SNRPA: variants seen among roughly 807,000 people sequenced by gnomAD.
SNRPA encodes the protein small nuclear ribonucleoprotein polypeptide A.
In SNRPA, 10 loss-of-function variants were observed where a neutral mutation model predicts 24.5. That is an observed-to-expected ratio of 0.41 (90% CI 0.25 to 0.69). The LOEUF is 0.69. SNRPA is among the 30% of genes least tolerant of loss of function. The probability of loss-of-function intolerance (pLI) is 0.33; values close to 1 mark genes in which losing one functional copy is unlikely to be tolerated. For synonymous variants in SNRPA, 165 were observed against 148.4 expected, an observed-to-expected ratio of 1.11 and a Z score of -0.81; for missense variants, 283 against 394.7, an observed-to-expected ratio of 0.72 and a Z score of 2.40.
At chr19:40,764,625 G>A (rs1277717945) in intron 5 of SNRPA, among the ~76,000 whole-genome samples, 1 of 152,104 alleles carries the variant, frequency 6.6e-6, no homozygotes, top group Non-Finnish European at 1.5e-5. Context: ...TCAGGAGTTC[G>A]AGGCCAATGT....
chr19:40,754,266 C>G (rs1385760801), intron 1 of SNRPA, among the ~76,000 whole-genome samples: 1 of 152,008 alleles, frequency 6.6e-6, no homozygotes, highest in Non-Finnish European at 1.5e-5. Context: ...CCACGCTTGG[C>G]TAATTTTTGT....
chr19:40,759,528 G>T lies in SNRPA; in HGVS notation c.344G>T (p.Ser115Ile). Residue 115 changes from serine (S) to isoleucine (I), a missense_variant, in exon 3 of 6, where the codon AGC becomes ATC. Around this residue, in one of 6 missense-constraint regions of SNRPA, gnomAD observed 167 missense variants for 174.3 expected, o/e 0.96. Transcript: ENST00000243563. Reference sequence around the variant, plus strand: ...AAGCGGGAGAAGAGGAAGCCCAAGAGCCAGGAGACCCCGGCCACCAAGAAG... The same window carrying T: ...AAGCGGGAGAAGAGGAAGCCCAAGATCCAGGAGACCCCGGCCACCAAGAAG... ...DRKREKRKPK[S>I]QETPATKKAV... 1 of 1,614,054 alleles carries T rather than the reference G, an allele frequency of 6.2e-7. No homozygotes were observed. The highest frequency in any genetic ancestry group is 8.5e-7 in the Non-Finnish European group (1 of 1,179,998).
At chr19:40,764,265 G>T (rs1396294035) in intron 5 of SNRPA, among the ~76,000 whole-genome samples, 1 of 152,068 alleles carries the variant, frequency 6.6e-6, no homozygotes, top group African/African-American at 2.4e-5. Flanking sequence ...CTGGGAGAAG[G>T]GATGGCTACA....
At chr19:40,752,373 CAG>C (rs373999141) in intron 1 of SNRPA, among the ~76,000 whole-genome samples, 36 of 151,422 alleles carry the variant, frequency 2.4e-4, no homozygotes, top group African/African-American at 5.8e-4. Context: ...GAAACTGAGA[CAG>C]GGGTGATGTG....
chr19:40,760,639 G>C (rs2082927452), intron 3 of SNRPA, among the ~76,000 whole-genome samples: 1 of 152,156 alleles, frequency 6.6e-6, no homozygotes, highest in African/African-American at 2.4e-5. Flanking sequence ...GCATGACCAG[G>C]GGAAGCTCCA....
chr19:40,759,741 G>A lies in SNRPA; in HGVS notation c.426+131G>A, dbSNP rs372868958. The A allele has an allele frequency of 1.0e-5, 8 of 778,650 alleles. No homozygotes were observed. In the South Asian group the frequency reaches 1.1e-4, roughly 10 times the overall value. 48.2% of individuals were successfully genotyped at this position (778,650 alleles called of 1,614,324 possible). On this transcript the variant is annotated intron_variant, in intron 3 of 5. Coordinates refer to ENST00000243563, the MANE Select transcript of SNRPA (RefSeq NM_004596.5). ...CCCCTCCTTTCCATTTCTTTATAGAGATGTGTTTCTCTCTCTCTTTTGGGG... is the reference window on the plus strand; with the variant it reads ...CCCCTCCTTTCCATTTCTTTATAGAAATGTGTTTCTCTCTCTCTTTTGGGG...
Position 40,757,305 on chromosome 19 carries a change from C to T in SNRPA, c.74-27C>T, listed in dbSNP as rs767362222. ...TGCGCTTCTTCTAAAAAGGGGAGCT[C>T]AAAGGTCTTTTTTTCCCCCACTGCA... is the stretch of plus-strand genomic sequence containing the variant. On this transcript the variant is annotated intron_variant, in intron 1 of 5. Coordinates refer to ENST00000243563, the MANE Select transcript of SNRPA (RefSeq NM_004596.5). 5 of 1,612,524 alleles carry T rather than the reference C, an allele frequency of 3.1e-6. No homozygotes were observed. In the African/African-American group the frequency reaches 6.7e-5, roughly 22 times the overall value.
intron 1 of SNRPA, among the ~76,000 whole-genome samples, chr19:40,751,812 G>A (rs1268013159): frequency 1.3e-5 from 2 of 152,224 alleles, no homozygotes; most frequent in East Asian, 1.9e-4. Flanking sequence ...CTGAGCTGTC[G>A]TGGGGCTCTC....
intron 1 of SNRPA, among the ~76,000 whole-genome samples, chr19:40,752,440 C>A (rs1454824941): frequency 1.3e-5 from 2 of 150,988 alleles, no homozygotes; most frequent in Non-Finnish European, 3.0e-5. Flanking sequence ...GTATAGAATT[C>A]TGCTTAGGAA....
In SNRPA at chr19:40,761,762, C is replaced by T. The variant is rs531619798; in HGVS notation, c.427-1139C>T. The stretch of plus-strand genomic sequence containing the variant: ...GATTACAAGCGTGAGCCACTGCACC[C>T]GGCCCTCACACAATAAAGTTTCTAG... On this transcript the variant is annotated intron_variant, in intron 3 of 5. Transcript: ENST00000243563. Among the ~76,000 whole-genome samples, 233 of 152,066 alleles carry T rather than the reference C, an allele frequency of 1.5e-3. 1 individual carries two copies. Among genetic ancestry groups the T allele is most frequent in the African/African-American group, 5.4e-3 (223 of 41,482 alleles).
rs183167637 is a variant in SNRPA at position 40,763,582 on chromosome 19, C to T, written c.601-5C>T. On this transcript the variant is annotated splice_polypyrimidine_tract_variant and splice_region_variant and intron_variant, in intron 4 of 5. Coordinates refer to ENST00000243563, the MANE Select transcript of SNRPA (RefSeq NM_004596.5). ...GTGCTCACCGACTCCCCTATACCCC[C>T]GCAGCTTTCTGAGAATCCACCGAAT... 123 of 1,613,904 alleles carry T rather than the reference C, an allele frequency of 7.6e-5. No homozygotes were observed. Among genetic ancestry groups the T allele is most frequent in the Non-Finnish European group, 9.5e-5 (112 of 1,179,838 alleles).
Position 40,763,671 on chromosome 19 carries a change from A to C in SNRPA, c.685A>C (p.Asn229His). 3 of 1,613,476 alleles carry C rather than the reference A, an allele frequency of 1.9e-6. No homozygotes were observed. Among genetic ancestry groups the C allele is most frequent in the Non-Finnish European group, 2.5e-6 (3 of 1,179,548 alleles). Reference sequence around the variant, plus strand: ...CGAGCTCATGCTGTCCATGCTTTTCAATCAGTAAGTGGGGCCTGTGGCTGG... The same window carrying C: ...CGAGCTCATGCTGTCCATGCTTTTCCATCAGTAAGTGGGGCCTGTGGCTGG... Reference protein sequence around the residue: ...TNELMLSMLFNQFPGFKEVRL... With the variant: ...TNELMLSMLFHQFPGFKEVRL... The change falls in exon 5 of 6, where the codon AAT (asparagine) becomes CAT (histidine). Residue 229 changes from asparagine to histidine, a missense_variant. Transcript: ENST00000243563.
chr19:40,762,291 ACTCCAACCTT>A (rs2082936193), intron 3 of SNRPA, among the ~76,000 whole-genome samples: 1 of 148,788 alleles, frequency 6.7e-6, no homozygotes, highest in South Asian at 2.2e-4. Flanking sequence ...ATCTCGGCTC[ACTCCAACCTT>A]CTGTTGCCGG....
intron 5 of SNRPA, among the ~76,000 whole-genome samples, chr19:40,764,116 C>T (rs762235390): frequency 1.2e-4 from 18 of 151,996 alleles, no homozygotes; most frequent in Non-Finnish European, 2.1e-4. Flanking sequence ...GGGTGGAGGC[C>T]GGTGCAGCCG....
chr19:40,751,778 A>T (rs1367031312), intron 1 of SNRPA, among the ~76,000 whole-genome samples: 1 of 151,928 alleles, frequency 6.6e-6, no homozygotes, highest in Admixed American at 6.6e-5. Context: ...CGCTGAGACC[A>T]TCTCCCATCA....
At chr19:40,760,435 C>CA (rs1387189805) in intron 3 of SNRPA, among the ~76,000 whole-genome samples, 2 of 152,192 alleles carry the variant, frequency 1.3e-5, no homozygotes, top group African/African-American at 4.8e-5. Context: ...TGGGAGAAAT[C>CA]AGAGACTCAG....
chr19:40,758,031 A>G (rs979548439), intron 2 of SNRPA, among the ~76,000 whole-genome samples: 12 of 151,616 alleles, frequency 7.9e-5, no homozygotes, highest in East Asian at 5.8e-4. Flanking sequence ...CAGTGGTGCA[A>G]TCTTGGCTCA....
intron 1 of SNRPA, among the ~76,000 whole-genome samples, chr19:40,752,008 GGAA>G (rs1256297018): frequency 6.6e-6 from 1 of 152,170 alleles, no homozygotes; most frequent in African/African-American, 2.4e-5. Context: ...CAATCTTGTA[GGAA>G]GAAGGCTATT....
At chr19:40,757,866 C>T (rs1006664544) in intron 2 of SNRPA, among the ~76,000 whole-genome samples, 12 of 151,372 alleles carry the variant, frequency 7.9e-5, no homozygotes, top group African/African-American at 2.9e-4. Context: ...TGCTTGAACC[C>T]GGGAGGCAGA....
Sources: allele counts gnomAD v4.1 joint callset (sites outside exome capture counted in the v4.1 genomes callset), GRCh38; gene constraint gnomAD v4.1.1; regional missense constraint gnomAD v4.1.1; transcripts MANE v1.5; gene names NCBI Gene and HGNC (gene_info 2026-07-23, HGNC 2026-07-21).